B3GALT1: variants seen among roughly 807,000 people sequenced by gnomAD.
B3GALT1 encodes the protein beta-1,3-galactosyltransferase 1, also known as UDP-Gal:betaGlcNAc beta 1,3-galactosyltransferase, polypeptide 1.
A neutral mutation model predicts 23.2 loss-of-function variants in B3GALT1; 10 were observed. That is an observed-to-expected ratio of 0.43 (90% CI 0.27 to 0.73). The LOEUF is 0.73. Ranked by LOEUF, B3GALT1 falls within the 30% of genes least tolerant of loss-of-function variation. B3GALT1 has a pLI of 0.21. For synonymous variants in B3GALT1, 156 were observed against 141.5 expected (o/e 1.10, Z -0.73); for missense variants, 299 against 405.4 (o/e 0.74, Z 2.25).
intron 1 of B3GALT1, among the ~76,000 whole-genome samples, chr2:167,462,689 C>T (rs773657134): frequency 3.3e-5 from 5 of 152,092 alleles, no homozygotes; most frequent in Admixed American, 6.6e-5. Context: ...AGACAGGAAT[C>T]GTAATAATTT....
At chr2:167,564,174 T>G (rs1222745959) in intron 2 of B3GALT1, among the ~76,000 whole-genome samples, 2 of 135,536 alleles carry the variant, frequency 1.5e-5, no homozygotes, top group Non-Finnish European at 3.2e-5. Flanking sequence ...GAGGGTCTCC[T>G]CACTTCTCAG....
intron 3 of B3GALT1, among the ~76,000 whole-genome samples, chr2:167,661,895 C>T (rs1030251948): frequency 6.6e-6 from 1 of 151,946 alleles, no homozygotes; most frequent in South Asian, 2.1e-4. Context: ...TATGAGATAA[C>T]TAAGTGTCAG....
chr2:167,657,888 A>G (rs1320218149), intron 3 of B3GALT1, among the ~76,000 whole-genome samples: 7 of 152,172 alleles, frequency 4.6e-5, no homozygotes, highest in Admixed American at 2.6e-4. Context: ...TGACCCAAGC[A>G]TACAGTATTA....
At chr2:167,599,194 A>C (rs924455600) in intron 2 of B3GALT1, among the ~76,000 whole-genome samples, 1 of 152,218 alleles carries the variant, frequency 6.6e-6, no homozygotes, top group Non-Finnish European at 1.5e-5. Flanking sequence ...TAGCTACAAA[A>C]TACGCAGTTC....
intron 4 of B3GALT1, among the ~76,000 whole-genome samples, chr2:167,841,625 G>T (rs1022283096): frequency 3.9e-5 from 6 of 152,170 alleles, no homozygotes; most frequent in African/African-American, 1.4e-4. Flanking sequence ...AGGACAGAAG[G>T]CCCCTTCCAG....
At chr2:167,487,053 T>G (rs1011175581) in intron 1 of B3GALT1, among the ~76,000 whole-genome samples, 6 of 152,232 alleles carry the variant, frequency 3.9e-5, no homozygotes, top group Non-Finnish European at 7.3e-5. Context: ...TAATTCCTCA[T>G]CAGTAATAAA....
intron 4 of B3GALT1, among the ~76,000 whole-genome samples, chr2:167,839,371 T>G (rs1574293846): frequency 6.6e-6 from 1 of 152,286 alleles, no homozygotes; most frequent in African/African-American, 2.4e-5. Context: ...ACAAGCATTC[T>G]TATACACCAA....
chr2:167,367,976 A>G (rs181390799), intron 1 of B3GALT1, among the ~76,000 whole-genome samples: 63 of 152,352 alleles, frequency 4.1e-4, no homozygotes, highest in Non-Finnish European at 7.5e-4. Flanking sequence ...TGAGCCAGAA[A>G]AGAATTTTCT....
At chr2:167,559,901 A>G (rs904135990) in intron 2 of B3GALT1, among the ~76,000 whole-genome samples, 2 of 152,222 alleles carry the variant, frequency 1.3e-5, no homozygotes, top group African/African-American at 4.8e-5. Flanking sequence ...ATCCAGGAGA[A>G]CTTCCCCAAT....
chr2:167,851,695 A>G (rs935596967), intron 4 of B3GALT1, among the ~76,000 whole-genome samples: 2 of 152,216 alleles, frequency 1.3e-5, no homozygotes, highest in Non-Finnish European at 2.9e-5. Flanking sequence ...TTTTACTTCT[A>G]TTGAGCATTT....
rs563820544 is a variant in B3GALT1 at position 167,341,768 on chromosome 2, C to T, written c.-511+48434C>T. Among the ~76,000 whole-genome samples, 6 of 152,314 alleles carry T rather than the reference C, an allele frequency of 3.9e-5. No homozygotes were observed. The South Asian group carries it at 1.2e-3, about 32-fold the overall frequency. ...ACTTGACCCTATAAATGTCCTTCAT[C>T]AGACTCATTTTTCTTGGAAAGATAT... On this transcript the variant is annotated intron_variant, in intron 1 of 4. Coordinates refer to ENST00000392690, the MANE Select transcript of B3GALT1 (RefSeq NM_020981.4).
chr2:167,467,171 G>T (rs1699361599), intron 1 of B3GALT1, among the ~76,000 whole-genome samples: 3 of 151,902 alleles, frequency 2.0e-5, no homozygotes, highest in African/African-American at 7.3e-5. Flanking sequence ...GGAGCTGACG[G>T]GAAGGGATAT....
chr2:167,869,163 A>C lies in B3GALT1; in HGVS notation c.124A>C (p.Thr42Pro). 1 of 1,614,156 alleles carries C rather than the reference A, an allele frequency of 6.2e-7. No individual in the cohort carries two copies. ...TGGCTCCAAACCATTCAGCCACCTA[A>C]CAGTTGCCAGGAAAAACTTCACCTT... Reference protein sequence around the residue: ...YTGSKPFSHLTVARKNFTFGN... With the variant: ...YTGSKPFSHLPVARKNFTFGN... Residue 42 changes from threonine to proline, a missense_variant, in exon 5 of 5, where the codon ACA becomes CCA. Around this residue, in one of 3 missense-constraint regions of B3GALT1, gnomAD observed 162 missense variants for 184.1 expected, o/e 0.88. Transcript: ENST00000392690. The surrounding 1 kb of genome is among the most constrained non-coding windows in gnomAD (Gnocchi z 6.4).
chr2:167,521,113 C>CT (rs1351285184), intron 2 of B3GALT1, among the ~76,000 whole-genome samples: 1 of 151,902 alleles, frequency 6.6e-6, no homozygotes, highest in Non-Finnish European at 1.5e-5. Flanking sequence ...TCTCCATAAT[C>CT]TTTTTGTAAA....
rs1412997941 is a variant in B3GALT1, at chr2:167,651,766, T to C, written c.-352+4800T>C. ...GTTCAATAGTGCAGTTGAACAACAGTTGAAGGCTCACATACCCTTGGAAGT... is the reference window on the plus strand; with the variant it reads ...GTTCAATAGTGCAGTTGAACAACAGCTGAAGGCTCACATACCCTTGGAAGT... On this transcript the variant is annotated intron_variant, in intron 3 of 4. Transcript: ENST00000392690. Among the ~76,000 whole-genome samples, 3 of 152,248 alleles carry C rather than the reference T, an allele frequency of 2.0e-5. No individual in the cohort carries two copies. In the East Asian group the frequency reaches 5.8e-4, roughly 29 times the overall value.
intron 3 of B3GALT1, among the ~76,000 whole-genome samples, chr2:167,658,640 A>G (rs967866866): frequency 5.3e-5 from 8 of 152,096 alleles, no homozygotes; most frequent in African/African-American, 1.9e-4. Flanking sequence ...ACTGTTTGTT[A>G]TACATTTACC....
At chr2:167,391,687 A>G (rs186271596) in intron 1 of B3GALT1, among the ~76,000 whole-genome samples, 148 of 152,198 alleles carry the variant, frequency 9.7e-4, no homozygotes, top group Middle Eastern at 3.4e-3. Flanking sequence ...CTGTCTTTAC[A>G]TTTTTTGTTG....
intron 2 of B3GALT1, among the ~76,000 whole-genome samples, chr2:167,551,213 AC>A (rs747174098): frequency 5.3e-4 from 81 of 152,204 alleles, no homozygotes; most frequent in Admixed American, 6.5e-4. Context: ...GTTTTGGTGA[AC>A]AGCTAGCCAG....
chr2:167,545,508 C>A (rs1037514967), intron 2 of B3GALT1, among the ~76,000 whole-genome samples: 2 of 152,154 alleles, frequency 1.3e-5, no homozygotes, highest in African/African-American at 4.8e-5. Flanking sequence ...AGTTTCAATC[C>A]CTTAGCTTGC....
Sources: allele counts gnomAD v4.1 joint callset (sites outside exome capture counted in the v4.1 genomes callset), GRCh38; gene constraint gnomAD v4.1.1; regional missense constraint gnomAD v4.1.1; non-coding constraint Gnocchi (gnomAD v3.1); transcripts MANE v1.5; gene names NCBI Gene and HGNC (gene_info 2026-07-23, HGNC 2026-07-21).